PDE4A: variants seen among roughly 807,000 people sequenced by gnomAD.
PDE4A encodes phosphodiesterase 4A.
In PDE4A, 21 loss-of-function variants were observed where a neutral mutation model predicts 73.9. The ratio of observed to expected loss-of-function variants is 0.28; its 90% CI spans 0.20 to 0.41. PDE4A has a LOEUF of 0.41. Among genes scored for constraint, PDE4A ranks in the 10% least tolerant of loss-of-function variants. The pLI is 1.00. For synonymous variants in PDE4A, 463 were observed against 505.4 expected, an observed-to-expected ratio of 0.92 and a Z score of 1.13; for missense variants, 958 against 1,211.4, an observed-to-expected ratio of 0.79 and a Z score of 3.10.
At chr19:10,438,184 C>G (rs1268616556) in intron 1 of PDE4A, among the ~76,000 whole-genome samples, 1 of 151,560 alleles carries the variant, frequency 6.6e-6, no homozygotes, top group Non-Finnish European at 1.5e-5. Flanking sequence ...GCAATCTCGG[C>G]TCACTGCAAC....
At chr19:10,434,181 CT>C (rs1393727862) in intron 1 of PDE4A, among the ~76,000 whole-genome samples, 7 of 149,292 alleles carry the variant, frequency 4.7e-5, no homozygotes, top group South Asian at 2.1e-4. Context: ...TTCTTTCTTC[CT>C]TTCCTTCTTT....
chr19:10,463,679 G>A (rs1302980681), intron 13 of PDE4A, 114 bp from the exon 14 acceptor site: 3 of 1,531,018 alleles, frequency 2.0e-6, no homozygotes, highest in Non-Finnish European at 2.6e-6. Context: ...GGAATTACAG[G>A]CGTGAGCCAC....
chr19:10,463,185 G>A (rs1008768342), intron 13 of PDE4A, among the ~76,000 whole-genome samples: 1 of 151,614 alleles, frequency 6.6e-6, no homozygotes, highest in Non-Finnish European at 1.5e-5. Context: ...CGCCTCCTGG[G>A]CTGCAGCAAT....
chr19:10,461,840 GGT>G (rs2043278542), intron 12 of PDE4A, 35 bp from the exon 13 acceptor site: 2 of 1,603,732 alleles, frequency 1.2e-6, no homozygotes, highest in Admixed American at 3.4e-5. Context: ...CTGGGGGGCG[GGT>G]GTCAGCGGCC....
chr19:10,428,361 A>T (rs2042744359), intron 1 of PDE4A, among the ~76,000 whole-genome samples: 2 of 47,950 alleles, frequency 4.2e-5, no homozygotes, highest in Non-Finnish European at 8.3e-5. Flanking sequence ...CTGTCTCGAG[A>T]GAGAGAGAGA....
rs575562084 is a variant in PDE4A, at chr19:10,450,618, C to T, written c.636C>T (p.Gly212=). 22 of 1,608,516 alleles carry T rather than the reference C, an allele frequency of 1.4e-5. No homozygotes were observed. The African/African-American group carries it at 2.0e-4, about 15-fold the overall frequency. The change falls in exon 5 of 15, where the codon GGC becomes GGT. Residue 212 remains glycine, a synonymous_variant. Coordinates refer to ENST00000380702, the MANE Select transcript of PDE4A (RefSeq NM_001111307.2). ...PVPSNKRSPL[G]GPTPVCKATL... ...TTTTCTGCAGGCGGTCCCCGCTGGG[C>T]GGCCCCACCCCTGTCTGCAAGGCCA...
chr19:10,451,445 C>T (rs2043090067), intron 6 of PDE4A, among the ~76,000 whole-genome samples: 1 of 152,026 alleles, frequency 6.6e-6, no homozygotes, highest in African/African-American at 2.4e-5. Flanking sequence ...GGTGTATCTG[C>T]GGCTATAGGT....
At chr19:10,454,287 C>T (rs1042598861) in intron 6 of PDE4A, among the ~76,000 whole-genome samples, 4 of 152,204 alleles carry the variant, frequency 2.6e-5, no homozygotes, top group Admixed American at 2.0e-4. Context: ...TTGGCTACCA[C>T]GTTCCCTTTT....
Position 10,467,095 on chromosome 19 carries a change from C to T in PDE4A, c.2135C>T (p.Thr712Met), listed in dbSNP as rs535059972. ...PLPDKFQFEL[T>M]LEEEEEEEIS... ...CCTGACAAGTTCCAGTTTGAGCTGA[C>T]GCTGGAGGAGGAAGAGGAGGAAGAA... is the stretch of plus-strand genomic sequence containing the variant. Residue 712 changes from threonine (T) to methionine (M), a missense_variant, in exon 15 of 15, where the codon ACG becomes ATG. Transcript: ENST00000380702. The T allele has an allele frequency of 1.4e-5, 23 of 1,614,086 alleles. No individual in the cohort carries two copies. Among genetic ancestry groups the T allele is most frequent in the Middle Eastern group, 3.3e-4 (2 of 6,062 alleles).
Position 10,461,686 on chromosome 19 carries a change from C to T in PDE4A, c.1620+6C>T, listed in dbSNP as rs765415758. On this transcript the variant is annotated splice_donor_region_variant and intron_variant, in intron 12 of 14. Coordinates refer to ENST00000380702, the MANE Select transcript of PDE4A (RefSeq NM_001111307.2). The stretch of plus-strand genomic sequence containing the variant: ...GCAAGATGGTCATCGACATGGTGGG[C>T]GGGGCTGGGGCGGGACGGAGCGGGA... The T allele has an allele frequency of 4.4e-6, 2 of 453,340 alleles. No homozygotes were observed. The highest frequency in any genetic ancestry group is 8.9e-6 in the Non-Finnish European group (2 of 223,930). The allele number at this position is 453,340 out of a possible 1,614,324, so 28.1% of individuals were successfully genotyped here.
At chr19:10,465,147 C>T (rs763570107) in intron 14 of PDE4A, among the ~76,000 whole-genome samples, 1 of 152,032 alleles carries the variant, frequency 6.6e-6, no homozygotes, top group African/African-American at 2.4e-5. Flanking sequence ...TAGGAGCTGC[C>T]GTGGGTATTA....
At chr19:10,456,935 C>T (rs1286037512) in intron 7 of PDE4A, among the ~76,000 whole-genome samples, 1 of 151,910 alleles carries the variant, frequency 6.6e-6, no homozygotes, top group South Asian at 2.1e-4. Flanking sequence ...CGGTGGCTCA[C>T]GCCTGTAATC....
chr19:10,433,618 CA>C (rs1423786331), intron 1 of PDE4A, among the ~76,000 whole-genome samples: 1 of 152,216 alleles, frequency 6.6e-6, no homozygotes, highest in African/African-American at 2.4e-5. Flanking sequence ...TGCGATGCCA[CA>C]GAGATGTCTA....
chr19:10,416,840 GC>G (rs1256722374), upstream of PDE4A: 1 of 1,532,518 alleles, frequency 6.5e-7, no homozygotes, highest in Non-Finnish European at 8.7e-7. Context: ...GGCAGGGGGA[GC>G]CCTGGGGCAC....
intron 6 of PDE4A, chr19:10,452,931 C>T: frequency 9.1e-7 from 1 of 1,099,860 alleles, no homozygotes; most frequent in Non-Finnish European, 1.1e-6. Context: ...AGCACACACG[C>T]ACACACACGG....
At chr19:10,465,733 T>C (rs1415416622) in intron 14 of PDE4A, among the ~76,000 whole-genome samples, 3 of 117,784 alleles carry the variant, frequency 2.5e-5, no homozygotes, top group African/African-American at 9.8e-5. Flanking sequence ...GAAGTCTCAC[T>C]CTCGTTCCCC....
Position 10,461,996 on chromosome 19 carries a change from C to T in PDE4A, c.1740C>T (p.Ile580=). Residue 580 remains isoleucine, a synonymous_variant, in exon 13 of 15, where the codon ATC becomes ATT. Coordinates refer to ENST00000380702, the MANE Select transcript of PDE4A (RefSeq NM_001111307.2). ...TGCTAGATAACTACTCCGACCGCAT[C>T]CAGGTGCCCCCACGCCCCATCATCT... ...VLLLDNYSDR[I]QVLRNMVHCA... The T allele has an allele frequency of 3.7e-6, 6 of 1,612,274 alleles. No homozygotes were observed. Among genetic ancestry groups the T allele is most frequent in the Non-Finnish European group, 5.1e-6 (6 of 1,178,864 alleles).
intron 6 of PDE4A, among the ~76,000 whole-genome samples, chr19:10,451,509 A>G (rs932120268): frequency 2.4e-4 from 36 of 152,120 alleles, no homozygotes; most frequent in African/African-American, 8.2e-4. Context: ...GGTGTTGGGA[A>G]TAGATTCTGA....
At chr19:10,455,440 G>A (rs2043154939) in intron 7 of PDE4A, among the ~76,000 whole-genome samples, 2 of 148,132 alleles carry the variant, frequency 1.4e-5, no homozygotes, top group African/African-American at 5.1e-5. Flanking sequence ...CTCCAGCCTA[G>A]GCAACAAGAG....
Sources: allele counts gnomAD v4.1 joint callset (sites outside exome capture counted in the v4.1 genomes callset), GRCh38; gene constraint gnomAD v4.1.1; transcripts MANE v1.5; gene names NCBI Gene and HGNC (gene_info 2026-07-23, HGNC 2026-07-21).